Variants in PSMG1 observed in about 807,000 individuals in gnomAD.
PSMG1 encodes the protein proteasome assembly chaperone 1, also known as Down syndrome critical region gene 2.
A neutral mutation model predicts 37.2 loss-of-function variants in PSMG1; 23 were observed. That is an observed-to-expected ratio of 0.62 (90% confidence interval 0.44 to 0.88). The LOEUF is 0.88. PSMG1 is among the 40% of genes least tolerant of loss of function. PSMG1 has a pLI of 0.00. For missense variants in PSMG1, 340 were observed against 344.2 expected (o/e 0.99, Z 0.10); for synonymous variants, 127 against 128.0 (o/e 0.99, Z 0.05).
intron 1 of PSMG1, among the ~76,000 whole-genome samples, chr21:39,182,200 C>A (rs990634320): frequency 2.0e-5 from 3 of 152,154 alleles, no homozygotes; most frequent in African/African-American, 7.2e-5. Context: ...AGCATTCTTG[C>A]CGACAAAACT....
rs754459269 is a variant in PSMG1, at chr21:39,177,601, T to G, written c.656-30A>C. 3 of 1,469,892 alleles carry G rather than the reference T, an allele frequency of 2.0e-6. No homozygotes were observed. The South Asian group carries it at 4.3e-5, about 21-fold the overall frequency. 91.1% of individuals were successfully genotyped at this position (1,469,892 alleles called of 1,614,324 possible). ...GAATACACAAGAAAAAAAAACGATG[T>G]AAGTTTTCTATTATGTTACTTTTAA... is the stretch of plus-strand genomic sequence containing the variant. On this transcript the variant is annotated intron_variant, in intron 5 of 6. Coordinates refer to ENST00000331573, the MANE Select transcript of PSMG1 (RefSeq NM_003720.4).
In PSMG1 at chr21:39,180,445, A is replaced by C; in HGVS notation, c.242-9T>G. On this transcript the variant is annotated splice_polypyrimidine_tract_variant and intron_variant, in intron 2 of 6. Coordinates refer to ENST00000331573, the MANE Select transcript of PSMG1 (RefSeq NM_003720.4). ...AAATGATGACAGAAATGCTGTAAAA[A>C]ACAATTCACATAAGTTAGTGTTTGG... The C allele has an allele frequency of 6.4e-7, 1 of 1,572,546 alleles. No homozygotes were observed. Among genetic ancestry groups the C allele is most frequent in the Non-Finnish European group, 8.6e-7 (1 of 1,158,990 alleles).
intron 5 of PSMG1, among the ~76,000 whole-genome samples, 155 bp from the exon 6 acceptor site, chr21:39,177,726 GA>G (rs1191467069): frequency 6.6e-6 from 1 of 152,150 alleles, no homozygotes; most frequent in Non-Finnish European, 1.5e-5. Flanking sequence ...CAATTATAAT[GA>G]AGATTTTCTT....
At chr21:39,180,831 C>T (rs935934347) in intron 2 of PSMG1, among the ~76,000 whole-genome samples, 7 of 152,172 alleles carry the variant, frequency 4.6e-5, no homozygotes, top group African/African-American at 1.7e-4. Flanking sequence ...AACTGGGTTT[C>T]CTGAATGTTC....
chr21:39,183,406 G>T lies in PSMG1; in HGVS notation c.-21C>A, dbSNP rs750718832. ...GCCATAGCCGCCCCGTGACCGGCTG[G>T]ACACAACTGCAGCGCCGCGGGACCG... On this transcript the variant is annotated 5_prime_UTR_variant, in exon 1 of 7. Transcript: ENST00000331573. 3 of 1,571,622 alleles carry T rather than the reference G, an allele frequency of 1.9e-6. No homozygotes were observed. Among genetic ancestry groups the T allele is most frequent in the Non-Finnish European group, 8.6e-7 (1 of 1,164,322 alleles).
intron 1 of PSMG1, among the ~76,000 whole-genome samples, chr21:39,182,403 T>C (rs2030871579): frequency 6.6e-6 from 1 of 152,220 alleles, no homozygotes; most frequent in African/African-American, 2.4e-5. Context: ...CACGTCTAAA[T>C]GTAACCTGTG....
intron 5 of PSMG1, 46 bp downstream of exon 5, chr21:39,178,401 CAA>C: frequency 6.5e-7 from 1 of 1,528,080 alleles, no homozygotes. Flanking sequence ...AAAGTAGTAT[CAA>C]TAAAGCAATA....
chr21:39,178,820 G>T (rs575427494), intron 4 of PSMG1, 173 bp from the exon 5 acceptor site: 2 of 652,020 alleles, frequency 3.1e-6, no homozygotes, highest in South Asian at 4.1e-5. Flanking sequence ...GTTTGATCTT[G>T]GTTCTGCTTT....
Position 39,181,813 on chromosome 21 carries a change from G to A in PSMG1, c.200C>T (p.Pro67Leu), listed in dbSNP as rs2030837307. 2 of 1,593,422 alleles carry A rather than the reference G, an allele frequency of 1.3e-6. No homozygotes were observed. Among genetic ancestry groups the A allele is most frequent in the South Asian group, 1.2e-5 (1 of 86,932 alleles). ...SLEVSLLEKY[P>L]CSKFIIAIGN... Reference sequence around the variant, plus strand: ...TATAGCAATTATAAACTTGGAGCACGGATATTTTTCTAGCAAAGAAACTTC... The same window carrying A: ...TATAGCAATTATAAACTTGGAGCACAGATATTTTTCTAGCAAAGAAACTTC... The change falls in exon 2 of 7, where the codon CCG (proline) becomes CTG (leucine). Residue 67 changes from proline (P) to leucine (L), a missense_variant. By Grantham distance (98) the Pro-to-Leu change is moderately conservative (BLOSUM62 -3). Transcript: ENST00000331573.
intron 4 of PSMG1, 27 bp from the exon 5 acceptor site, chr21:39,178,674 A>G: frequency 6.3e-7 from 1 of 1,578,408 alleles, no homozygotes. Flanking sequence ...TTCAAATTAA[A>G]AAAAACATAT....
At chr21:39,183,125 G>A (rs907996393) in intron 1 of PSMG1, 127 bp downstream of exon 1, 1 of 1,225,974 alleles carries the variant, frequency 8.2e-7, no homozygotes, top group Non-Finnish European at 1.1e-6. Flanking sequence ...GCAGAGCCAA[G>A]GAGCGGCGGC....
At chr21:39,178,886 G>C (rs1367604068) in intron 4 of PSMG1, 1 of 499,590 alleles carries the variant, frequency 2.0e-6, no homozygotes, top group East Asian at 3.6e-5. Context: ...AGGTGATATA[G>C]TTTAGATGCC....
intron 5 of PSMG1, among the ~76,000 whole-genome samples, chr21:39,177,823 G>A (rs1196325001): frequency 6.6e-6 from 1 of 151,992 alleles, no homozygotes. Context: ...GATGATTTAA[G>A]TAGCTGAAAG....
intron 4 of PSMG1, 151 bp from the exon 5 acceptor site, chr21:39,178,798 G>A: frequency 1.4e-6 from 1 of 730,532 alleles, no homozygotes; most frequent in Non-Finnish European, 2.2e-6. Flanking sequence ...CACACCTGCT[G>A]TCACAACCTG....
At chr21:39,179,020 G>C (rs994910632) in intron 4 of PSMG1, among the ~76,000 whole-genome samples, 1 of 152,110 alleles carries the variant, frequency 6.6e-6, no homozygotes, top group Non-Finnish European at 1.5e-5. Flanking sequence ...TTGGTGATAC[G>C]TGACTTCTCA....
chr21:39,179,595 A>C (rs966405812), intron 4 of PSMG1, among the ~76,000 whole-genome samples: 2 of 152,082 alleles, frequency 1.3e-5, no homozygotes, highest in African/African-American at 4.8e-5. Flanking sequence ...ATAAGATCTA[A>C]AGTGATGTAA....
In PSMG1 at chr21:39,175,374, C is replaced by T. The variant is rs999495988; in HGVS notation, c.*216G>A. On this transcript the variant is annotated 3_prime_UTR_variant, in exon 7 of 7. Coordinates refer to ENST00000331573, the MANE Select transcript of PSMG1 (RefSeq NM_003720.4). The stretch of plus-strand genomic sequence containing the variant: ...CTTAAAATATTCAAATACAACAATA[C>T]TCCCACCTAGTGGATAAAAGGAAAA... 2 of 387,848 alleles carry T rather than the reference C, an allele frequency of 5.2e-6. No homozygotes were observed. Among genetic ancestry groups the T allele is most frequent in the African/African-American group, 4.2e-5 (2 of 47,268 alleles). The allele number at this position is 387,848 out of a possible 1,614,324, so 24.0% of individuals were successfully genotyped here.
chr21:39,175,204 G>A lies in PSMG1; in HGVS notation c.*386C>T, dbSNP rs1425553722. ...TGTAATCCCAGCATTTTGGGAGGCCGAGGCGGGGGAAATGCTTGAGCCCAG... is the reference window on the plus strand; with the variant it reads ...TGTAATCCCAGCATTTTGGGAGGCCAAGGCGGGGGAAATGCTTGAGCCCAG... On this transcript the variant is annotated 3_prime_UTR_variant, in exon 7 of 7. Coordinates refer to ENST00000331573, the MANE Select transcript of PSMG1 (RefSeq NM_003720.4). The A allele has an allele frequency of 6.5e-6, 1 of 152,948 alleles. No individual in the cohort carries two copies. The highest frequency in any genetic ancestry group is 1.5e-5 in the Non-Finnish European group (1 of 68,700). 9.5% of individuals were successfully genotyped at this position (152,948 alleles called of 1,614,324 possible).
intron 5 of PSMG1, 87 bp from the exon 6 acceptor site, chr21:39,177,658 TTAAAAG>T: frequency 4.8e-6 from 5 of 1,040,684 alleles, no homozygotes; most frequent in Non-Finnish European, 6.3e-6. Flanking sequence ...AAGGCTGTTG[TTAAAAG>T]TAGTTATCTC....
Sources: allele counts gnomAD v4.1 joint callset (sites outside exome capture counted in the v4.1 genomes callset), GRCh38; gene constraint gnomAD v4.1.1; transcripts MANE v1.5; gene names NCBI Gene and HGNC (gene_info 2026-07-23, HGNC 2026-07-21).